Variants in APP observed in about 807,000 individuals in gnomAD.
APP encodes the protein amyloid-beta precursor protein.
A neutral mutation model predicts 101.4 loss-of-function variants in APP; 31 were observed. The observed-to-expected ratio is 0.31, with a 90% CI of 0.23 to 0.41. The LOEUF is 0.41. Among genes scored for constraint, APP ranks in the 10% least tolerant of loss-of-function variants. The pLI is 1.00. For synonymous variants in APP, 366 were observed against 364.4 expected, an observed-to-expected ratio of 1.00 and a Z score of -0.05; for missense variants, 839 against 1,003.7, an observed-to-expected ratio of 0.84 and a Z score of 2.22.
chr21:26,110,410 C>T (rs1417435642), intron 2 of APP, among the ~76,000 whole-genome samples: 2 of 152,010 alleles, frequency 1.3e-5, no homozygotes, highest in Non-Finnish European at 2.9e-5. Flanking sequence ...TGCACCACTG[C>T]ACTCCATCCT....
intron 1 of APP, among the ~76,000 whole-genome samples, chr21:26,132,978 C>T (rs78720268): frequency 0.03 from 4,521 of 152,248 alleles, 231 homozygotes; most frequent in African/African-American, 0.1. Context: ...TGGCTCATGC[C>T]TGTAATCACA....
chr21:26,004,183 T>C (rs2043411628), intron 6 of APP, among the ~76,000 whole-genome samples: 1 of 152,064 alleles, frequency 6.6e-6, no homozygotes, highest in African/African-American at 2.4e-5. Context: ...CAGCATAGAC[T>C]TGGGTTAAAG....
chr21:26,133,726 C>T (rs1326003520), intron 1 of APP, among the ~76,000 whole-genome samples: 3 of 151,980 alleles, frequency 2.0e-5, no homozygotes, highest in Admixed American at 6.6e-5. Flanking sequence ...GAGCCGAGAT[C>T]GCACCACTGC....
intron 1 of APP, among the ~76,000 whole-genome samples, chr21:26,149,922 GC>G (rs1396097215): frequency 1.3e-5 from 2 of 152,138 alleles, no homozygotes; most frequent in Non-Finnish European, 2.9e-5. Flanking sequence ...CCACCTCACA[GC>G]CTTTACACTG....
intron 11 of APP, among the ~76,000 whole-genome samples, chr21:25,959,338 C>T (rs1001131649): frequency 6.6e-6 from 1 of 152,162 alleles, no homozygotes; most frequent in African/African-American, 2.4e-5. Flanking sequence ...GAGGCTGAGG[C>T]AGGAGAATTG....
chr21:26,090,403 C>T (rs1460519149), intron 2 of APP, among the ~76,000 whole-genome samples: 3 of 152,152 alleles, frequency 2.0e-5, no homozygotes, highest in Admixed American at 6.5e-5. Flanking sequence ...CAACCTATAC[C>T]ACTATCCACT....
chr21:26,101,548 G>A (rs572295926), intron 2 of APP, among the ~76,000 whole-genome samples: 3 of 152,166 alleles, frequency 2.0e-5, no homozygotes, highest in Non-Finnish European at 4.4e-5. Context: ...GTCTAAGACT[G>A]AACAGGCAGC....
At chr21:25,907,452 C>T (rs1377411848) in intron 14 of APP, among the ~76,000 whole-genome samples, 1 of 152,224 alleles carries the variant, frequency 6.6e-6, no homozygotes, top group Non-Finnish European at 1.5e-5. Flanking sequence ...TTCCAATTGA[C>T]CTTTACTTAA....
chr21:25,935,153 C>A (rs1016487158), intron 13 of APP: 1 of 152,168 alleles, frequency 6.6e-6, no homozygotes, highest in Non-Finnish European at 1.5e-5. Flanking sequence ...TCCAGAGTGA[C>A]GAAACATCAC....
At chr21:26,045,783 A>G (rs944587810) in intron 5 of APP, among the ~76,000 whole-genome samples, 1 of 152,188 alleles carries the variant, frequency 6.6e-6, no homozygotes, top group African/African-American at 2.4e-5. Context: ...ATGCACGCAC[A>G]CCTGCATACA....
Position 25,910,248 on chromosome 21 carries a change from C to T in APP, c.1909+1493G>A, listed in dbSNP as rs540943336. 2.6e-5 allele frequency among the ~76,000 whole-genome samples: 4 copies of T among 152,088 alleles called. No individual in the cohort carries two copies. The South Asian group carries it at 6.2e-4, about 24-fold the overall frequency. The stretch of plus-strand genomic sequence containing the variant: ...GTTCATGCCATTCTCCTGCCTCAGC[C>T]TCCCGAGTAGCTGGGACTACAGGTG... On this transcript the variant is annotated intron_variant, in intron 14 of 17. Transcript: ENST00000346798.
At chr21:26,062,229 A>AC (rs61412486) in intron 3 of APP, among the ~76,000 whole-genome samples, 37,008 of 122,996 alleles carry the variant, frequency 0.3, 5,716 homozygotes, top group South Asian at 0.39. Flanking sequence ...ACAAACAAAC[A>AC]AACACACACA....
At chr21:25,997,991 C>T (rs575276437) in intron 7 of APP, among the ~76,000 whole-genome samples, 1 of 152,292 alleles carries the variant, frequency 6.6e-6, no homozygotes, top group East Asian at 1.9e-4. Context: ...GACAGGTGCC[C>T]ACTGGTCACT....
chr21:25,918,736 A>C (rs1190815081), intron 13 of APP, among the ~76,000 whole-genome samples: 3 of 151,336 alleles, frequency 2.0e-5, no homozygotes, highest in African/African-American at 7.3e-5. Context: ...TCCTACGCCC[A>C]CGGAATCGCG....
At position 26,079,044 on chromosome 21, in the gene APP, CAA is replaced by C. The variant is rs34285555; in HGVS notation, c.355+10897_355+10898del. 7.9e-5 allele frequency among the ~76,000 whole-genome samples: 9 copies of C among 114,410 alleles called. 1 individual carries two copies. Among genetic ancestry groups the C allele is most frequent in the East Asian group, 2.5e-4 (1 of 4,042 alleles). 75.1% of individuals were successfully genotyped at this position (114,410 alleles called of 152,430 possible). A position where few individuals can be genotyped will look rare whatever the true frequency, so the allele number is the denominator to read the frequency against. ...GGCAACAAAGAGTGAAACTCCATCTCAAAAAAAAAAAAAAAAAATCAAACTCA... is the reference window on the plus strand; with the variant it reads ...GGCAACAAAGAGTGAAACTCCATCTCAAAAAAAAAAAAAAAATCAAACTCA... On this transcript the variant is annotated intron_variant, in intron 3 of 17. Coordinates refer to ENST00000346798, the MANE Select transcript of APP (RefSeq NM_000484.4).
Position 26,158,692 on chromosome 21 carries a change from C to T in APP, c.57+11872G>A, listed in dbSNP as rs544137300. 2.6e-5 allele frequency among the ~76,000 whole-genome samples: 4 copies of T among 152,304 alleles called. No homozygotes were observed. In the East Asian group the frequency reaches 7.7e-4, roughly 29 times the overall value. ...AGGGCATCCAAAATTTATAATTTCA[C>T]ACTGTCTCCTTCACTTATTATACCC... On this transcript the variant is annotated intron_variant, in intron 1 of 17. Coordinates refer to ENST00000346798, the MANE Select transcript of APP (RefSeq NM_000484.4).
At chr21:25,920,764 C>T (rs1448253418) in intron 13 of APP, among the ~76,000 whole-genome samples, 1 of 143,078 alleles carries the variant, frequency 7.0e-6, no homozygotes, top group Non-Finnish European at 1.5e-5. Flanking sequence ...CTTAGACTCC[C>T]ACACATTAAT....
chr21:26,145,811 T>A (rs186189670), intron 1 of APP, among the ~76,000 whole-genome samples: 1 of 152,338 alleles, frequency 6.6e-6, no homozygotes. Context: ...TATGCCTGCA[T>A]TCTGAATGTT....
chr21:25,990,766 T>C (rs1210605520), intron 8 of APP, among the ~76,000 whole-genome samples: 1 of 141,586 alleles, frequency 7.1e-6, no homozygotes, highest in Non-Finnish European at 1.5e-5. Context: ...CTCTACGGCA[T>C]ATCTGGGTCT....
Sources: gnomAD v4.1 joint callset for allele counts (sites outside exome capture counted in the v4.1 genomes callset) on GRCh38, gnomAD v4.1.1 for gene constraint, MANE v1.5 for transcripts, NCBI Gene and HGNC (gene_info 2026-07-23, HGNC 2026-07-21) for gene names.